The following BANK1 variants were observed in gnomAD, a reference collection of about 807,000 sequenced individuals.
BANK1 encodes the protein B cell scaffold protein with ankyrin repeats 1, also known as B-cell scaffold protein with ankyrin repeats.
Under a neutral mutation model 94.5 loss-of-function variants are expected in BANK1, and 95 were observed. The ratio of observed to expected loss-of-function variants is 1.00; its 90% CI spans 0.85 to 1.19. The LOEUF is 1.19. Among genes scored for constraint, BANK1 ranks in the 50% most tolerant of loss-of-function variants. The probability of loss-of-function intolerance (pLI) is 0.00; values close to 1 mark genes in which losing one functional copy is unlikely to be tolerated. For synonymous variants in BANK1, 334 were observed against 308.4 expected (o/e 1.08, Z -0.87); for missense variants, 987 against 932.2 (o/e 1.06, Z -0.77).
chr4:101,812,475 T>G (rs1725760196), intron 1 of BANK1, among the ~76,000 whole-genome samples: 2 of 151,976 alleles, frequency 1.3e-5, no homozygotes, highest in African/African-American at 4.8e-5. Context: ...AGCAGTGAGA[T>G]TCATTAAATA....
At position 102,021,619 on chromosome 4, in the gene BANK1, T is replaced by A. The variant is rs768907508; in HGVS notation, c.1285+27T>A. 32 of 1,003,582 alleles carry A rather than the reference T, an allele frequency of 3.2e-5. No homozygotes were observed. The African/African-American group carries it at 5.1e-4, about 16-fold the overall frequency. The allele number at this position is 1,003,582 out of a possible 1,614,324, so 62.2% of individuals were successfully genotyped here. ...TAAGTTTTTCCATGTTATATATATA[T>A]ATGACATATTCATATATATATCACA... On this transcript the variant is annotated intron_variant, in intron 8 of 16. Transcript: ENST00000322953.
At chr4:101,935,675 G>A (rs1176534141) in intron 7 of BANK1, among the ~76,000 whole-genome samples, 1 of 151,342 alleles carries the variant, frequency 6.6e-6, no homozygotes, top group Non-Finnish European at 1.5e-5. Context: ...TTAGTTTAGG[G>A]GTGTGCCTAG....
chr4:101,814,251 A>C (rs1725821065), intron 1 of BANK1, among the ~76,000 whole-genome samples: 1 of 152,206 alleles, frequency 6.6e-6, no homozygotes, highest in South Asian at 2.1e-4. Context: ...TTCATTTTAC[A>C]GTTAAATCTG....
At chr4:101,887,519 T>G (rs2148887918) in intron 5 of BANK1, among the ~76,000 whole-genome samples, 1 of 152,286 alleles carries the variant, frequency 6.6e-6, no homozygotes, top group Admixed American at 6.5e-5. Context: ...ATTTTGCATA[T>G]CTACACTTAC....
At chr4:101,794,112 A>T (rs1725078674) in intron 1 of BANK1, among the ~76,000 whole-genome samples, 1 of 152,178 alleles carries the variant, frequency 6.6e-6, no homozygotes, top group South Asian at 2.1e-4. Flanking sequence ...TAGGTTGATT[A>T]AAAGGGAATT....
chr4:102,011,155 A>C (rs987336359), intron 7 of BANK1, among the ~76,000 whole-genome samples: 2 of 152,214 alleles, frequency 1.3e-5, no homozygotes, highest in Non-Finnish European at 2.9e-5. Flanking sequence ...AGCCTTCTAC[A>C]TTTGGAACAA....
chr4:101,901,012 G>C (rs1054622971), intron 6 of BANK1, among the ~76,000 whole-genome samples: 2 of 152,096 alleles, frequency 1.3e-5, no homozygotes, highest in Non-Finnish European at 2.9e-5. Context: ...TAAAGTTTCT[G>C]AGAGAAGAAA....
At position 101,895,317 on chromosome 4, in the gene BANK1, G is replaced by T; in HGVS notation, c.916G>T (p.Glu306Ter). Residue 306 changes from glutamate to a stop codon, truncating the protein, a stop_gained, in exon 6 of 17, where the codon GAA becomes TAA. Coordinates refer to ENST00000322953, the MANE Select transcript of BANK1 (RefSeq NM_017935.5). LOFTEE classifies it high-confidence loss of function. ...CACTTGAAAACAGAATAGCATTGAA[G>T]AACTTGATGGTGTCCTTACATCCAT... ...GESLCQNSIE[E>*]LDGVLTSIFK... 3 of 1,574,500 alleles carry T rather than the reference G, an allele frequency of 1.9e-6. No individual in the cohort carries two copies. Among genetic ancestry groups the T allele is most frequent in the Non-Finnish European group, 2.6e-6 (3 of 1,158,964 alleles).
chr4:101,904,094 C>T (rs916899397), intron 6 of BANK1, among the ~76,000 whole-genome samples: 19 of 152,196 alleles, frequency 1.2e-4, no homozygotes, highest in Admixed American at 8.5e-4. Flanking sequence ...CCAGTGATAA[C>T]GTTTAGCAGG....
At chr4:101,793,181 C>G (rs1002052182) in intron 1 of BANK1, among the ~76,000 whole-genome samples, 7 of 152,294 alleles carry the variant, frequency 4.6e-5, no homozygotes, top group Non-Finnish European at 7.4e-5. Context: ...GACTGTTTCA[C>G]CTTACGCTGG....
At chr4:101,865,564 C>G (rs4544711) in intron 4 of BANK1, among the ~76,000 whole-genome samples, 13,239 of 152,092 alleles carry the variant, frequency 0.087, 847 homozygotes, top group African/African-American at 0.18. Flanking sequence ...GAGCCTCATT[C>G]CAGCTGGGAA....
chr4:102,049,498 T>C (rs1268788752), intron 11 of BANK1, among the ~76,000 whole-genome samples: 1 of 152,122 alleles, frequency 6.6e-6, no homozygotes, highest in African/African-American at 2.4e-5. Context: ...CCTGTAATCA[T>C]AGATTACATC....
intron 6 of BANK1, among the ~76,000 whole-genome samples, chr4:101,911,850 T>A (rs1379929881): frequency 1.3e-5 from 2 of 152,220 alleles, no homozygotes; most frequent in South Asian, 4.1e-4. Flanking sequence ...CCAAGGCACA[T>A]ATGTTTGTCT....
At chr4:101,815,403 T>C (rs1010289683) in intron 1 of BANK1, among the ~76,000 whole-genome samples, 3 of 152,136 alleles carry the variant, frequency 2.0e-5, no homozygotes, top group Non-Finnish European at 4.4e-5. Context: ...AAAATAAAAT[T>C]GTAAGTATTG....
intron 4 of BANK1, among the ~76,000 whole-genome samples, chr4:101,866,939 C>A (rs1728095023): frequency 1.6e-5 from 1 of 63,860 alleles, no homozygotes; most frequent in African/African-American, 1.0e-4. Context: ...GCCGCATATT[C>A]TCACTCATAG....
intron 7 of BANK1, among the ~76,000 whole-genome samples, chr4:101,946,395 G>T (rs1419197872): frequency 6.6e-6 from 1 of 151,938 alleles, no homozygotes; most frequent in Admixed American, 6.6e-5. Context: ...TTAATCCTAT[G>T]TTTGGGAAAA....
intron 7 of BANK1, among the ~76,000 whole-genome samples, chr4:102,006,685 A>G (rs995519309): frequency 6.6e-6 from 1 of 151,972 alleles, no homozygotes; most frequent in Admixed American, 6.6e-5. Flanking sequence ...ATAGTTCTGG[A>G]TAGGATTTCA....
intron 9 of BANK1, 108 bp from the exon 10 acceptor site, chr4:102,029,852 A>T: frequency 3.1e-6 from 3 of 969,174 alleles, no homozygotes; most frequent in Non-Finnish European, 4.7e-6. Context: ...ACTGTTTCCT[A>T]CGGCACTTGA....
intron 2 of BANK1, among the ~76,000 whole-genome samples, chr4:101,842,889 A>T (rs1727106108): frequency 6.6e-6 from 1 of 152,226 alleles, no homozygotes. Context: ...GTCACAATTT[A>T]ACATATTTAA....
Sources: gnomAD v4.1 joint callset for allele counts (sites outside exome capture counted in the v4.1 genomes callset) on GRCh38, gnomAD v4.1.1 for gene constraint, MANE v1.5 for transcripts, NCBI Gene and HGNC (gene_info 2026-07-23, HGNC 2026-07-21) for gene names.